The following TACR1 variants were observed in gnomAD, a reference collection of about 807,000 sequenced individuals.
TACR1 encodes the protein substance-P receptor.
Under a neutral mutation model 35.8 loss-of-function variants are expected in TACR1, and 25 were observed. The observed-to-expected ratio is 0.70, with a 90% CI of 0.51 to 0.98. The LOEUF (loss-of-function observed/expected upper bound fraction) is 0.98, where lower values mean the gene tolerates loss of function less well. Ranked by LOEUF, TACR1 falls within the 50% of genes least tolerant of loss-of-function variation. The pLI is 0.00. For synonymous variants in TACR1, 195 were observed against 206.7 expected (o/e 0.94, Z 0.48); for missense variants, 478 against 522.9 (o/e 0.91, Z 0.84).
chr2:75,075,239 C>T (rs1281615590), intron 2 of TACR1, among the ~76,000 whole-genome samples: 1 of 152,154 alleles, frequency 6.6e-6, no homozygotes, highest in African/African-American at 2.4e-5. Context: ...CATTTACTAG[C>T]TAGGGAAGAA....
intron 2 of TACR1, among the ~76,000 whole-genome samples, chr2:75,078,824 A>G (rs1188571288): frequency 6.6e-6 from 1 of 152,194 alleles, no homozygotes; most frequent in African/African-American, 2.4e-5. Flanking sequence ...GCTGAGCACC[A>G]TGATCCATCT....
At chr2:75,129,421 C>G (rs1271619550) in intron 1 of TACR1, among the ~76,000 whole-genome samples, 1 of 152,104 alleles carries the variant, frequency 6.6e-6, no homozygotes, top group African/African-American at 2.4e-5. Flanking sequence ...TTTTTGTGAA[C>G]AACATCAAAG....
intron 2 of TACR1, among the ~76,000 whole-genome samples, chr2:75,072,579 G>A (rs1008847960): frequency 3.9e-5 from 6 of 152,200 alleles, no homozygotes; most frequent in East Asian, 1.9e-4. Flanking sequence ...TAGTAGGGTC[G>A]CAGATCACAA....
intron 2 of TACR1, among the ~76,000 whole-genome samples, chr2:75,108,853 TTTG>T (rs1342024773): frequency 6.6e-6 from 1 of 152,210 alleles, no homozygotes; most frequent in Non-Finnish European, 1.5e-5. Context: ...CATTTCAAAA[TTTG>T]TACATAATAC....
At chr2:75,110,898 A>G (rs1404772544) in intron 2 of TACR1, among the ~76,000 whole-genome samples, 3 of 152,026 alleles carry the variant, frequency 2.0e-5, no homozygotes, top group African/African-American at 7.2e-5. Flanking sequence ...TTGTCAAACT[A>G]TGCTCCTGAA....
At chr2:75,098,557 T>C (rs149218698) in intron 2 of TACR1, among the ~76,000 whole-genome samples, 2 of 152,304 alleles carry the variant, frequency 1.3e-5, no homozygotes, top group East Asian at 3.9e-4. Flanking sequence ...TGCCTCAATA[T>C]TGGCCAATCC....
At position 75,186,278 on chromosome 2, in the gene TACR1, A is replaced by C. The variant is rs556515336; in HGVS notation, c.389+12268T>G. On this transcript the variant is annotated intron_variant, in intron 1 of 4. Transcript: ENST00000305249. ...TCCCAGCTACTCGGGAGGCTGAGGC[A>C]GGAGAAATGCTTGAACCTGGGAGGC... 3.5e-4 allele frequency among the ~76,000 whole-genome samples: 52 copies of C among 150,424 alleles called. No homozygotes were observed. In the South Asian group the frequency reaches 4.5e-3, roughly 13 times the overall value.
intron 2 of TACR1, among the ~76,000 whole-genome samples, chr2:75,082,090 G>A (rs1673099235): frequency 6.6e-6 from 1 of 151,824 alleles, no homozygotes; most frequent in African/African-American, 2.4e-5. Flanking sequence ...CCCACAACAG[G>A]CTCTGGGGTA....
intron 2 of TACR1, among the ~76,000 whole-genome samples, chr2:75,088,772 C>T (rs1572922583): frequency 6.6e-6 from 1 of 152,046 alleles, no homozygotes; most frequent in Non-Finnish European, 1.5e-5. Context: ...GTATCCCCTT[C>T]GCCCCTGAAT....
At chr2:75,088,715 G>T (rs528404324) in intron 2 of TACR1, among the ~76,000 whole-genome samples, 1 of 152,244 alleles carries the variant, frequency 6.6e-6, no homozygotes, top group East Asian at 1.9e-4. Context: ...ATCACCATGT[G>T]TGGGGTGATG....
At chr2:75,064,122 A>T (rs995727017) in intron 2 of TACR1, among the ~76,000 whole-genome samples, 6 of 151,320 alleles carry the variant, frequency 4.0e-5, no homozygotes, top group Non-Finnish European at 5.9e-5. Flanking sequence ...AAAAGGGTGC[A>T]TTGCTAGGAA....
At chr2:75,091,194 G>A (rs558227363) in intron 2 of TACR1, among the ~76,000 whole-genome samples, 22 of 118,840 alleles carry the variant, frequency 1.9e-4, no homozygotes, top group African/African-American at 6.6e-4. Flanking sequence ...TTATGGGCTC[G>A]TAGGTGCAAA....
At chr2:75,163,902 A>G (rs965957064) in intron 1 of TACR1, among the ~76,000 whole-genome samples, 2 of 152,206 alleles carry the variant, frequency 1.3e-5, no homozygotes, top group African/African-American at 4.8e-5. Context: ...ATTTTGCACA[A>G]AATGATTCTT....
chr2:75,186,980 T>A (rs571281949), intron 1 of TACR1: 2 of 152,378 alleles, frequency 1.3e-5, no homozygotes, highest in Admixed American at 1.3e-4. Context: ...CCAGATGACA[T>A]GTGGGTCCAG....
intron 2 of TACR1, among the ~76,000 whole-genome samples, chr2:75,069,059 G>C (rs533796828): frequency 6.6e-6 from 1 of 152,080 alleles, no homozygotes; most frequent in East Asian, 1.9e-4. Flanking sequence ...TGCTGTTCTC[G>C]TGAAAGTGAA....
chr2:75,116,412 TTTTG>T (rs1450084854), intron 2 of TACR1, among the ~76,000 whole-genome samples: 2 of 152,174 alleles, frequency 1.3e-5, no homozygotes, highest in African/African-American at 2.4e-5. Flanking sequence ...CCACAATTTT[TTTTG>T]TTTGTTTTAT....
At chr2:75,197,175 A>T (rs958317246) in intron 1 of TACR1, among the ~76,000 whole-genome samples, 1 of 152,228 alleles carries the variant, frequency 6.6e-6, no homozygotes, top group Non-Finnish European at 1.5e-5. Context: ...TTTTACATAA[A>T]ACATAGTAAG....
At chr2:75,086,212 G>A (rs1212311096) in intron 2 of TACR1, among the ~76,000 whole-genome samples, 1 of 152,198 alleles carries the variant, frequency 6.6e-6, no homozygotes, top group South Asian at 2.1e-4. Flanking sequence ...AACTGGGAAT[G>A]TGTATCCTCT....
intron 1 of TACR1, among the ~76,000 whole-genome samples, chr2:75,133,606 T>C (rs1674220925): frequency 6.6e-6 from 1 of 152,194 alleles, no homozygotes; most frequent in East Asian, 1.9e-4. Context: ...GGGTTTAAAC[T>C]TGGCAGTCTG....
Sources: gnomAD v4.1 joint callset for allele counts (sites outside exome capture counted in the v4.1 genomes callset) on GRCh38, gnomAD v4.1.1 for gene constraint, MANE v1.5 for transcripts, NCBI Gene and HGNC (gene_info 2026-07-23, HGNC 2026-07-21) for gene names.